The following UNC5C variants were observed in gnomAD, a reference collection of about 807,000 sequenced individuals.
UNC5C encodes the protein netrin receptor UNC5C.
UNC5C carries 47 observed loss-of-function variants against 99.8 expected under a neutral mutation model. The observed-to-expected ratio is 0.47, with a 90% CI of 0.37 to 0.60. The LOEUF is 0.60. UNC5C is among the 20% of genes least tolerant of loss of function. The pLI, the probability that UNC5C is intolerant of heterozygous loss-of-function variation, is 0.00. For synonymous variants in UNC5C, 487 were observed against 452.2 expected (o/e 1.08, Z -0.98); for missense variants, 1,062 against 1,165.9 (o/e 0.91, Z 1.30).
chr4:95,414,532 C>T (rs1298104291), intron 1 of UNC5C, among the ~76,000 whole-genome samples: 1 of 152,188 alleles, frequency 6.6e-6, no homozygotes, highest in Non-Finnish European at 1.5e-5. Flanking sequence ...AAGAAAATAC[C>T]TAGCAACGAA....
intron 12 of UNC5C, among the ~76,000 whole-genome samples, chr4:95,198,326 G>A (rs574844827): frequency 1.3e-5 from 2 of 152,256 alleles, no homozygotes; most frequent in East Asian, 3.9e-4. Flanking sequence ...TAGCTTCCAC[G>A]CATCTTGTGG....
intron 11 of UNC5C, among the ~76,000 whole-genome samples, chr4:95,203,494 G>A (rs547796592): frequency 6.6e-6 from 1 of 151,968 alleles, no homozygotes; most frequent in Admixed American, 6.6e-5. Flanking sequence ...ATTGAAACAG[G>A]AGTCTCACTC....
chr4:95,437,743 G>A (rs1056877430), intron 1 of UNC5C, among the ~76,000 whole-genome samples: 2 of 152,046 alleles, frequency 1.3e-5, no homozygotes, highest in Non-Finnish European at 2.9e-5. Context: ...TGCCATTGAC[G>A]CTGATAGAGC....
At chr4:95,355,507 A>T (rs1397728742) in intron 1 of UNC5C, among the ~76,000 whole-genome samples, 1 of 152,126 alleles carries the variant, frequency 6.6e-6, no homozygotes, top group Non-Finnish European at 1.5e-5. Context: ...CCCTTCCAGC[A>T]TGGGGTTGTT....
intron 1 of UNC5C, among the ~76,000 whole-genome samples, chr4:95,463,382 G>A (rs1448215383): frequency 1.3e-5 from 2 of 152,106 alleles, no homozygotes; most frequent in Non-Finnish European, 2.9e-5. Context: ...CTGATTTAAA[G>A]GGTAAGAAGC....
intron 1 of UNC5C, among the ~76,000 whole-genome samples, chr4:95,547,611 T>G (rs1723105688): frequency 6.6e-6 from 1 of 152,236 alleles, no homozygotes; most frequent in Admixed American, 6.5e-5. Context: ...AAAGCTGAGC[T>G]GCCTCGCCTG....
chr4:95,506,476 AG>A (rs1479042742), intron 1 of UNC5C, among the ~76,000 whole-genome samples: 2 of 152,058 alleles, frequency 1.3e-5, no homozygotes, highest in Non-Finnish European at 2.9e-5. Flanking sequence ...AATACTCGGT[AG>A]TAATTTATCC....
chr4:95,385,405 ATAAG>A (rs1202969697), intron 1 of UNC5C, among the ~76,000 whole-genome samples: 1 of 152,200 alleles, frequency 6.6e-6, no homozygotes, highest in African/African-American at 2.4e-5. Context: ...TCATCACTAA[ATAAG>A]TAACAACTAA....
intron 1 of UNC5C, among the ~76,000 whole-genome samples, chr4:95,442,201 GTTTA>G (rs1466962631): frequency 2.6e-5 from 4 of 151,798 alleles, no homozygotes; most frequent in African/African-American, 9.7e-5. Context: ...TTGATTGTTT[GTTTA>G]TTTGTTTGTT....
intron 3 of UNC5C, among the ~76,000 whole-genome samples, chr4:95,281,015 T>C (rs1387481501): frequency 1.3e-5 from 2 of 152,198 alleles, no homozygotes; most frequent in African/African-American, 2.4e-5. Flanking sequence ...AAACACCAGA[T>C]ACCAATAAAA....
rs115261200 is a variant in UNC5C, at chr4:95,233,803, C to T, written c.1108+8626G>A. The stretch of plus-strand genomic sequence containing the variant: ...TACAAAAATTAGGTGGGTAGGGTGG[C>T]GAATGCCTGTAATCCCAACTACTCA... On this transcript the variant is annotated intron_variant, in intron 7 of 15. Coordinates refer to ENST00000453304, the MANE Select transcript of UNC5C (RefSeq NM_003728.4). Among the ~76,000 whole-genome samples, 689 of 152,052 alleles carry T rather than the reference C, an allele frequency of 4.5e-3. 2 individuals carry two copies. The highest frequency in any genetic ancestry group is 8.0e-3 in the East Asian group (41 of 5,154).
intron 1 of UNC5C, among the ~76,000 whole-genome samples, chr4:95,454,988 A>G (rs1317618592): frequency 6.6e-6 from 1 of 152,160 alleles, no homozygotes; most frequent in Non-Finnish European, 1.5e-5. Flanking sequence ...AGAATGAGTT[A>G]TTTCTCAAAA....
intron 1 of UNC5C, among the ~76,000 whole-genome samples, chr4:95,394,452 G>A (rs560172433): frequency 6.6e-6 from 1 of 152,274 alleles, no homozygotes; most frequent in South Asian, 2.1e-4. Flanking sequence ...GAAAACTGGA[G>A]TAACTAAACA....
chr4:95,270,003 C>T (rs1388184361), intron 4 of UNC5C, among the ~76,000 whole-genome samples: 1 of 152,076 alleles, frequency 6.6e-6, no homozygotes, highest in African/African-American at 2.4e-5. Flanking sequence ...GTGTGAGCCC[C>T]CGTACCTGGC....
chr4:95,225,757 G>T (rs1738661288), intron 7 of UNC5C, among the ~76,000 whole-genome samples: 1 of 152,108 alleles, frequency 6.6e-6, no homozygotes, highest in Non-Finnish European at 1.5e-5. Flanking sequence ...AAACAGACCA[G>T]TATTAAGTGT....
At chr4:95,435,453 A>G (rs569460814) in intron 1 of UNC5C, among the ~76,000 whole-genome samples, 3 of 152,010 alleles carry the variant, frequency 2.0e-5, no homozygotes, top group African/African-American at 7.2e-5. Flanking sequence ...AAAAACATGA[A>G]TTACTAACAG....
At chr4:95,511,920 G>T (rs1159444730) in intron 1 of UNC5C, among the ~76,000 whole-genome samples, 1 of 152,152 alleles carries the variant, frequency 6.6e-6, no homozygotes, top group Non-Finnish European at 1.5e-5. Context: ...AGATTCAAGG[G>T]AAGAAGGTTG....
chr4:95,298,302 C>T (rs1031462959), intron 3 of UNC5C, among the ~76,000 whole-genome samples: 3 of 152,004 alleles, frequency 2.0e-5, no homozygotes, highest in Non-Finnish European at 2.9e-5. Flanking sequence ...CAGAATGAGA[C>T]CCCCATCTCA....
At chr4:95,536,061 C>CATATATAT (rs58901868) in intron 1 of UNC5C, among the ~76,000 whole-genome samples, 42 of 140,818 alleles carry the variant, frequency 3.0e-4, no homozygotes, top group African/African-American at 1.0e-3. Context: ...TACATACATA[C>CATATATAT]ATATATATAT....
Sources: allele counts gnomAD v4.1 joint callset (sites outside exome capture counted in the v4.1 genomes callset), GRCh38; gene constraint gnomAD v4.1.1; transcripts MANE v1.5; gene names NCBI Gene and HGNC (gene_info 2026-07-23, HGNC 2026-07-21).